Variants in SASH1 observed in about 807,000 individuals in gnomAD.
SASH1 encodes SAM and SH3 domain containing 1.
In SASH1, 44 loss-of-function variants were observed where a neutral mutation model predicts 125.2. That is an observed-to-expected ratio of 0.35 (90% confidence interval 0.28 to 0.45). The LOEUF (loss-of-function observed/expected upper bound fraction) is 0.45, where lower values mean the gene tolerates loss of function less well. SASH1 is among the 20% of genes least tolerant of loss of function. The pLI is 1.00. For synonymous variants in SASH1, 639 were observed against 649.1 expected (o/e 0.98, Z 0.24); for missense variants, 1,426 against 1,614.5 (o/e 0.88, Z 2.00).
At chr6:148,314,284 A>G (rs912416362) in intron 1 of SASH1, among the ~76,000 whole-genome samples, 1 of 152,084 alleles carries the variant, frequency 6.6e-6, no homozygotes. Flanking sequence ...ACACTTCCCC[A>G]CTCAGTATCC....
chr6:148,428,395 A>G (rs1775913833), intron 2 of SASH1, among the ~76,000 whole-genome samples: 2 of 152,300 alleles, frequency 1.3e-5, no homozygotes, highest in South Asian at 4.1e-4. Context: ...TTGGGAGGCC[A>G]AGGCAGGCGG....
intron 1 of SASH1, among the ~76,000 whole-genome samples, chr6:148,297,772 G>A (rs1040311000): frequency 6.6e-6 from 1 of 151,580 alleles, no homozygotes; most frequent in Non-Finnish European, 1.5e-5. Context: ...AGAGGTTGCA[G>A]TGAGCCGAGA....
chr6:148,401,251 C>G (rs1784156620), intron 2 of SASH1, among the ~76,000 whole-genome samples: 1 of 146,372 alleles, frequency 6.8e-6, no homozygotes, highest in African/African-American at 2.5e-5. Context: ...GAGACCCTAT[C>G]TCAAAAAAAA....
At chr6:148,436,488 G>A (rs1284851110) in intron 2 of SASH1, among the ~76,000 whole-genome samples, 2 of 151,874 alleles carry the variant, frequency 1.3e-5, no homozygotes, top group East Asian at 3.9e-4. Flanking sequence ...CTGGGCAACA[G>A]AATGAGACCT....
chr6:148,213,365 T>C, the SASH1 span, among the ~76,000 whole-genome samples: 1 of 152,152 alleles, frequency 6.6e-6, no homozygotes, highest in African/African-American at 2.4e-5. Context: ...TCCGCTTTTA[T>C]GGAATAAGTA....
intron 8 of SASH1, among the ~76,000 whole-genome samples, chr6:148,488,817 T>C (rs188845606): frequency 1.3e-5 from 2 of 152,354 alleles, no homozygotes; most frequent in African/African-American, 2.4e-5. Flanking sequence ...TCTTCAGTTA[T>C]GTTGTTTTGC....
At chr6:148,364,477 A>G (rs1009004720) in intron 1 of SASH1, among the ~76,000 whole-genome samples, 1 of 152,202 alleles carries the variant, frequency 6.6e-6, no homozygotes, top group African/African-American at 2.4e-5. Context: ...TCAGCGATGG[A>G]TTACAAAAGC....
intron 8 of SASH1, among the ~76,000 whole-genome samples, chr6:148,494,601 T>G (rs1779240656): frequency 6.6e-6 from 1 of 151,966 alleles, no homozygotes; most frequent in African/African-American, 2.4e-5. Context: ...CTCTCCAGCC[T>G]GGCGACAGAA....
At chr6:148,261,344 G>T in the SASH1 span, among the ~76,000 whole-genome samples, 1 of 152,150 alleles carries the variant, frequency 6.6e-6, no homozygotes, top group Admixed American at 6.5e-5. Flanking sequence ...TCTATCATCT[G>T]CTGGGTCTCC....
chr6:148,275,430 G>T (rs778329021), intron 1 of SASH1, among the ~76,000 whole-genome samples: 16 of 152,018 alleles, frequency 1.1e-4, no homozygotes, highest in Non-Finnish European at 1.6e-4. Flanking sequence ...TGCCTAGACT[G>T]TCTTATTCCT....
chr6:148,386,095 T>C (rs1333708856), intron 1 of SASH1, among the ~76,000 whole-genome samples: 2 of 152,172 alleles, frequency 1.3e-5, no homozygotes, highest in South Asian at 2.1e-4. Context: ...GGATTTGAAC[T>C]GGAAAACACC....
chr6:148,539,402 A>T (rs1463260248), intron 16 of SASH1, among the ~76,000 whole-genome samples: 1 of 151,832 alleles, frequency 6.6e-6, no homozygotes, highest in East Asian at 1.9e-4. Flanking sequence ...ATCACTTTGT[A>T]TGCCTTTATG....
intron 2 of SASH1, among the ~76,000 whole-genome samples, chr6:148,437,472 A>G (rs1776338444): frequency 6.6e-6 from 1 of 152,258 alleles, no homozygotes; most frequent in Non-Finnish European, 1.5e-5. Context: ...TGCCCTTGAT[A>G]AAACAAACGT....
chr6:148,532,982 G>A lies in SASH1; in HGVS notation c.1734+16G>A, dbSNP rs747335126. On this transcript the variant is annotated intron_variant, in intron 14 of 19. Transcript: ENST00000367467. This position sits in a 1 kb window ranked among gnomAD's most constrained non-coding sequence, Gnocchi z 4.7. ...CAAGCTCAAGGTATCTCTCTCCCTG[G>A]CCTCAGAGCAGCTAACTGGGCTCTT... The A allele has an allele frequency of 4.2e-5, 68 of 1,612,312 alleles. 2 individuals carry two copies. In the South Asian group the frequency reaches 7.1e-4, roughly 17 times the overall value.
intron 1 of SASH1, among the ~76,000 whole-genome samples, chr6:148,322,063 T>C (rs953856128): frequency 6.6e-6 from 1 of 152,092 alleles, no homozygotes; most frequent in Non-Finnish European, 1.5e-5. Context: ...AAATCTTCCA[T>C]CTCTCAGCCG....
intron 1 of SASH1, among the ~76,000 whole-genome samples, chr6:148,284,200 A>G (rs1308648762): frequency 6.6e-6 from 1 of 152,220 alleles, no homozygotes; most frequent in Non-Finnish European, 1.5e-5. Context: ...GCAATTTGGG[A>G]GGCCGAGGCG....
intron 1 of SASH1, among the ~76,000 whole-genome samples, chr6:148,379,379 A>C (rs775633305): frequency 7.9e-5 from 12 of 152,070 alleles, no homozygotes; most frequent in Non-Finnish European, 1.6e-4. Context: ...CCCTTCCCTC[A>C]GATCTTCGTT....
In SASH1 at chr6:148,514,458, TAAAAAAAAAAAA is replaced by T. The variant is rs10710533; in HGVS notation, c.862+19_862+30del. ...AAATGAAAAAACCCAGCACTGAAGG[TAAAAAAAAAAAA>T]AAAAAAAAAAAAAAAAGGCAGACTC... On this transcript the variant is annotated splice_donor_5th_base_variant and intron_variant, in intron 9 of 19. Transcript: ENST00000367467. 425 of 573,142 alleles carry T rather than the reference TAAAAAAAAAAAA, an allele frequency of 7.4e-4. No individual in the cohort carries two copies. The highest frequency in any genetic ancestry group is 1.4e-3 in the South Asian group (31 of 22,518). The allele number at this position is 573,142 out of a possible 1,614,324, so 35.5% of individuals were successfully genotyped here.
intron 17 of SASH1, among the ~76,000 whole-genome samples, chr6:148,543,234 T>C (rs1253391981): frequency 6.6e-6 from 1 of 152,196 alleles, no homozygotes; most frequent in Non-Finnish European, 1.5e-5. Context: ...GATCACTCTG[T>C]AGGGGATACC....
Sources: allele counts gnomAD v4.1 joint callset (sites outside exome capture counted in the v4.1 genomes callset), GRCh38; gene constraint gnomAD v4.1.1; non-coding constraint Gnocchi (gnomAD v3.1); transcripts MANE v1.5; gene names NCBI Gene and HGNC (gene_info 2026-07-23, HGNC 2026-07-21).